The following INSYN2B variants were observed in gnomAD, a reference collection of about 807,000 sequenced individuals.
INSYN2B encodes the protein inhibitory synaptic factor family member 2B.
INSYN2B carries 16 observed loss-of-function variants against 41.2 expected under a neutral mutation model. The observed-to-expected ratio is 0.39, with a 90% CI of 0.26 to 0.59. INSYN2B has a LOEUF of 0.59. INSYN2B is among the 20% of genes least tolerant of loss of function. The probability of loss-of-function intolerance (pLI) is 0.57; values close to 1 mark genes in which losing one functional copy is unlikely to be tolerated. For synonymous variants in INSYN2B, 245 were observed against 244.4 expected (o/e 1.00, Z -0.02); for missense variants, 608 against 646.4 (o/e 0.94, Z 0.64).
rs79638821 is a variant in INSYN2B at position 169,938,706 on chromosome 5, G to A, written c.-919+41571C>T. ...TATCAACACTGTACACTTAGGCTATGCTACATTTATTAAAAATATTTTTTC... is the reference window on the plus strand; with the variant it reads ...TATCAACACTGTACACTTAGGCTATACTACATTTATTAAAAATATTTTTTC... On this transcript the variant is annotated intron_variant, in intron 1 of 3. Transcript: ENST00000377365. Among the ~76,000 whole-genome samples the A allele has an allele frequency of 0.012, 1,869 of 152,236 alleles. 76 individuals are homozygous for A. In the East Asian group the frequency reaches 0.13, roughly 11 times the overall value.
In INSYN2B at chr5:169,940,484, T is replaced by C. The variant is rs143293643; in HGVS notation, c.-919+39793A>G. The stretch of plus-strand genomic sequence containing the variant: ...TTATTGTGCACTTTATTTCTATTAG[T>C]ATTATATTTTAATTTATAATGAAAT... On this transcript the variant is annotated intron_variant, in intron 1 of 3. Transcript: ENST00000377365. Among the ~76,000 whole-genome samples the C allele has an allele frequency of 3.5e-3, 527 of 152,350 alleles. 5 individuals are homozygous for C. In the South Asian group the frequency reaches 0.043, roughly 13 times the overall value.
intron 1 of INSYN2B, among the ~76,000 whole-genome samples, chr5:169,885,819 G>A (rs1195666401): frequency 1.3e-5 from 2 of 152,286 alleles, no homozygotes; most frequent in Non-Finnish European, 2.9e-5. Flanking sequence ...TAAGTAACTT[G>A]CCTAAACATA....
At chr5:169,978,689 C>T (rs114365243) in intron 1 of INSYN2B, among the ~76,000 whole-genome samples, 95 of 152,172 alleles carry the variant, frequency 6.2e-4, no homozygotes, top group African/African-American at 2.1e-3. Context: ...TGTGCAAGAC[C>T]TCCCTACGTC....
At chr5:169,977,554 AG>A (rs1296727311) in intron 1 of INSYN2B, among the ~76,000 whole-genome samples, 1 of 152,234 alleles carries the variant, frequency 6.6e-6, no homozygotes, top group Non-Finnish European at 1.5e-5. Context: ...CTGAGGCACA[AG>A]ACCCTGCTCG....
intron 1 of INSYN2B, among the ~76,000 whole-genome samples, chr5:169,953,743 C>T (rs911273239): frequency 6.6e-6 from 1 of 152,130 alleles, no homozygotes; most frequent in Admixed American, 6.5e-5. Context: ...CCTCCCTTCT[C>T]AACCTGCCAG....
intron 1 of INSYN2B, among the ~76,000 whole-genome samples, chr5:169,913,667 C>CT (rs1232841352): frequency 6.6e-6 from 1 of 152,090 alleles, no homozygotes; most frequent in Non-Finnish European, 1.5e-5. Flanking sequence ...CTATTTCACA[C>CT]TTTGTTGTGA....
At chr5:169,915,628 CAG>C (rs993653642) in intron 1 of INSYN2B, among the ~76,000 whole-genome samples, 1 of 150,344 alleles carries the variant, frequency 6.7e-6, no homozygotes, top group Non-Finnish European at 1.5e-5. Flanking sequence ...GAGAGAGAGA[CAG>C]AGACAGACAG....
chr5:169,973,894 C>A (rs1297467021), intron 1 of INSYN2B, among the ~76,000 whole-genome samples: 1 of 152,152 alleles, frequency 6.6e-6, no homozygotes. Flanking sequence ...GTTAATTTAT[C>A]CATCTGTCCA....
Position 169,978,439 on chromosome 5 carries a change from G to C in INSYN2B, c.-919+1838C>G, listed in dbSNP as rs1777812623. Among the ~76,000 whole-genome samples, 2 of 144,344 alleles carry C rather than the reference G, an allele frequency of 1.4e-5. 1 individual carries two copies. Among genetic ancestry groups the C allele is most frequent in the South Asian group, 4.4e-4 (2 of 4,552 alleles). 94.7% of individuals were successfully genotyped at this position (144,344 alleles called of 152,430 possible). ...TGTTTGCATTAGAGGTTGTTAAATA[G>C]ATATGTTTAAGTTGAATGTTGTACA... On this transcript the variant is annotated intron_variant, in intron 1 of 3. Transcript: ENST00000377365.
chr5:169,957,461 C>T (rs1368583752), intron 1 of INSYN2B, among the ~76,000 whole-genome samples: 1 of 152,144 alleles, frequency 6.6e-6, no homozygotes, highest in Non-Finnish European at 1.5e-5. Context: ...TTGTCCTTTC[C>T]ACAGCCCTGT....
chr5:169,896,073 C>T (rs1362956530), intron 1 of INSYN2B, among the ~76,000 whole-genome samples: 1 of 152,150 alleles, frequency 6.6e-6, no homozygotes, highest in Non-Finnish European at 1.5e-5. Flanking sequence ...GTTTCCCAGT[C>T]CCATGTCTGA....
intron 1 of INSYN2B, among the ~76,000 whole-genome samples, chr5:169,893,001 C>G (rs1013478561): frequency 2.0e-5 from 3 of 152,116 alleles, no homozygotes; most frequent in Admixed American, 2.0e-4. Flanking sequence ...TCCTCTTTTC[C>G]ACACCCTGCC....
chr5:169,877,039 C>A (rs146797172), intron 3 of INSYN2B, among the ~76,000 whole-genome samples: 107 of 152,278 alleles, frequency 7.0e-4, no homozygotes, highest in African/African-American at 2.5e-3. Context: ...CATGGGGGTC[C>A]TTCTGGGGAA....
At chr5:169,911,605 A>G (rs920987151) in intron 1 of INSYN2B, among the ~76,000 whole-genome samples, 1 of 152,194 alleles carries the variant, frequency 6.6e-6, no homozygotes, top group South Asian at 2.1e-4. Context: ...GCTTCATTTC[A>G]CGTGGTGCTA....
intron 1 of INSYN2B, among the ~76,000 whole-genome samples, chr5:169,898,416 C>T (rs868624417): frequency 6.6e-6 from 1 of 152,164 alleles, no homozygotes; most frequent in South Asian, 2.1e-4. Context: ...CCAGCTGTCT[C>T]ATTTACTAGC....
chr5:169,864,864 A>G (rs1771443874), intron 3 of INSYN2B, among the ~76,000 whole-genome samples: 1 of 152,224 alleles, frequency 6.6e-6, no homozygotes, highest in Non-Finnish European at 1.5e-5. Context: ...ATTATCTGTA[A>G]AATGGGGGTA....
intron 1 of INSYN2B, among the ~76,000 whole-genome samples, chr5:169,901,633 G>A (rs1184074010): frequency 6.6e-6 from 1 of 152,164 alleles, no homozygotes; most frequent in Non-Finnish European, 1.5e-5. Context: ...ATGAGAACTG[G>A]ATAAACTCAA....
chr5:169,885,793 C>T (rs760577264), intron 1 of INSYN2B, among the ~76,000 whole-genome samples: 35 of 152,256 alleles, frequency 2.3e-4, no homozygotes, highest in Non-Finnish European at 4.4e-4. Flanking sequence ...TTGAATAAAC[C>T]GAGGCCCAGA....
intron 1 of INSYN2B, among the ~76,000 whole-genome samples, chr5:169,938,225 C>CTT (rs573891252): frequency 3.2e-4 from 46 of 143,358 alleles, no homozygotes; most frequent in African/African-American, 1.0e-3. Context: ...TTTCTTTCTT[C>CTT]TTTTTTTTTT....
Sources: gnomAD v4.1 joint callset for allele counts (sites outside exome capture counted in the v4.1 genomes callset) on GRCh38, gnomAD v4.1.1 for gene constraint, MANE v1.5 for transcripts, NCBI Gene and HGNC (gene_info 2026-07-23, HGNC 2026-07-21) for gene names.